RUNX1: variants seen among roughly 807,000 people sequenced by gnomAD.
RUNX1 encodes RUNX family transcription factor 1.
In RUNX1, 19 loss-of-function variants were observed where a neutral mutation model predicts 42.8. That is an observed-to-expected ratio of 0.44 (90% CI 0.31 to 0.65). RUNX1 has a LOEUF of 0.65. Among genes scored for constraint, RUNX1 ranks in the 30% least tolerant of loss-of-function variants. RUNX1 has a pLI of 0.07. For missense variants in RUNX1, 528 were observed against 672.0 expected (o/e 0.79, Z 2.37); for synonymous variants, 271 against 289.4 (o/e 0.94, Z 0.64).
intron 2 of RUNX1, among the ~76,000 whole-genome samples, chr21:34,967,964 G>A (rs1449598549): frequency 1.3e-5 from 2 of 152,166 alleles, no homozygotes; most frequent in Non-Finnish European, 2.9e-5. Flanking sequence ...ACGCCTCCCT[G>A]GCCCCACTTC....
At chr21:34,797,108 T>G (rs1367073293) in intron 8 of RUNX1, among the ~76,000 whole-genome samples, 1 of 152,202 alleles carries the variant, frequency 6.6e-6, no homozygotes, top group African/African-American at 2.4e-5. Flanking sequence ...AGGCCTGTGC[T>G]CCAGGCTTGA....
At chr21:34,810,385 A>C (rs772809525) in intron 7 of RUNX1, among the ~76,000 whole-genome samples, 17 of 152,356 alleles carry the variant, frequency 1.1e-4, no homozygotes, top group Admixed American at 4.6e-4. Context: ...AATCAGAAGA[A>C]AAACTCATAT....
chr21:34,950,553 A>G (rs1247588833), intron 2 of RUNX1, among the ~76,000 whole-genome samples: 1 of 152,220 alleles, frequency 6.6e-6, no homozygotes, highest in East Asian at 1.9e-4. Flanking sequence ...AGCCCGGCCA[A>G]CACGGCAAAA....
At chr21:34,876,424 T>C (rs557176438) in intron 5 of RUNX1, among the ~76,000 whole-genome samples, 72 of 152,364 alleles carry the variant, frequency 4.7e-4, no homozygotes, top group African/African-American at 1.7e-3. Flanking sequence ...AGGGCTAAGC[T>C]GGCCCTCCAT....
intron 2 of RUNX1, among the ~76,000 whole-genome samples, chr21:34,982,936 G>A (rs1417735145): frequency 6.6e-6 from 1 of 152,222 alleles, no homozygotes; most frequent in African/African-American, 2.4e-5. Flanking sequence ...ATAACCGTTA[G>A]GTGGTAGAAC....
intron 2 of RUNX1, among the ~76,000 whole-genome samples, chr21:34,931,661 T>C (rs1226681502): frequency 6.9e-6 from 1 of 144,804 alleles, no homozygotes; most frequent in Non-Finnish European, 1.5e-5. Flanking sequence ...CCAACTCTGA[T>C]TGATTGGAAT....
chr21:34,934,256 C>A (rs528591189), intron 2 of RUNX1, among the ~76,000 whole-genome samples: 95 of 152,146 alleles, frequency 6.2e-4, no homozygotes, highest in Admixed American at 3.3e-3. Flanking sequence ...GCTTTTGAGT[C>A]AAGTTTTTTT....
rs1282897961 is a variant in RUNX1 at position 34,788,084 on chromosome 21, G to A, written c.*4051C>T. The A allele has an allele frequency of 8.6e-6, 2 of 233,144 alleles. No homozygotes were observed. Among genetic ancestry groups the A allele is most frequent in the African/African-American group, 4.4e-5 (2 of 45,320 alleles). 14.4% of individuals were successfully genotyped at this position (233,144 alleles called of 1,614,324 possible). Reference sequence around the variant, plus strand: ...TCTGGGATATTCTCTCATGTCATCTGGCTGAAGACACCAGCTTGACAGTTC... The same window carrying A: ...TCTGGGATATTCTCTCATGTCATCTAGCTGAAGACACCAGCTTGACAGTTC... On this transcript the variant is annotated 3_prime_UTR_variant, in exon 9 of 9. Transcript: ENST00000675419.
chr21:34,904,882 A>G (rs2058205538), intron 2 of RUNX1, among the ~76,000 whole-genome samples: 1 of 152,244 alleles, frequency 6.6e-6, no homozygotes, highest in Admixed American at 6.5e-5. Flanking sequence ...CTTTTTCCTT[A>G]ATGCAGAAAT....
intron 2 of RUNX1, among the ~76,000 whole-genome samples, chr21:34,930,270 G>GTGTGTGTGTGTATA (rs372412304): frequency 1.6e-5 from 2 of 123,036 alleles, no homozygotes; most frequent in East Asian, 2.2e-4. Flanking sequence ...GTGTGTGTAT[G>GTGTGTGTGTGTATA]TATATATATA....
In RUNX1 at chr21:34,791,501, TAAAG is replaced by T. The variant is rs537401117; in HGVS notation, c.*630_*633del. 7.3e-5 allele frequency: 17 copies of T among 231,846 alleles called. No homozygotes were observed. The highest frequency in any genetic ancestry group is 1.3e-4 in the African/African-American group (6 of 45,156). The allele number at this position is 231,846 out of a possible 1,614,324, so 14.4% of individuals were successfully genotyped here. A position where few individuals can be genotyped will look rare whatever the true frequency, so the allele number is the denominator to read the frequency against. On this transcript the variant is annotated 3_prime_UTR_variant, in exon 9 of 9. Transcript: ENST00000675419. ...TCCAAAAGAAAAGTTAAATAAAACTTAAAGAAAAGGGAATCATATTTCTTTCCAT... is the reference window on the plus strand; with the variant it reads ...TCCAAAAGAAAAGTTAAATAAAACTTAAAAGGGAATCATATTTCTTTCCAT...
intron 2 of RUNX1, among the ~76,000 whole-genome samples, chr21:34,943,538 A>G (rs1033936650): frequency 6.6e-6 from 1 of 152,232 alleles, no homozygotes; most frequent in Non-Finnish European, 1.5e-5. Flanking sequence ...TACTTCATAC[A>G]AAAGACAGAA....
chr21:34,998,503 C>T (rs963821751), intron 2 of RUNX1, among the ~76,000 whole-genome samples: 4 of 151,990 alleles, frequency 2.6e-5, no homozygotes, highest in Admixed American at 2.0e-4. Context: ...TCAGAGAGCC[C>T]AGTCCTCATC....
At chr21:34,969,773 A>G (rs2058748652) in intron 2 of RUNX1, among the ~76,000 whole-genome samples, 1 of 152,090 alleles carries the variant, frequency 6.6e-6, no homozygotes, top group Non-Finnish European at 1.5e-5. Context: ...AGCAAAAAAA[A>G]AACAAAGGCC....
intron 2 of RUNX1, among the ~76,000 whole-genome samples, chr21:35,046,872 T>G (rs2059399518): frequency 6.6e-6 from 1 of 152,036 alleles, no homozygotes; most frequent in South Asian, 2.1e-4. Context: ...CTTTTGAGTC[T>G]TGGTGCGAGC....
chr21:34,996,161 CAGGAATTCTCCCA>C (rs2058993609), intron 2 of RUNX1, among the ~76,000 whole-genome samples: 1 of 152,090 alleles, frequency 6.6e-6, no homozygotes, highest in Non-Finnish European at 1.5e-5. Flanking sequence ...TCTCATCAAG[CAGGAATTCTCCCA>C]AGGAACCACC....
intron 2 of RUNX1, among the ~76,000 whole-genome samples, chr21:35,016,413 A>G (rs1346302653): frequency 2.0e-5 from 3 of 152,194 alleles, no homozygotes; most frequent in Non-Finnish European, 4.4e-5. Context: ...TACAGTGGGA[A>G]TAAGGCTTAT....
chr21:34,889,978 A>G (rs1484456940), intron 3 of RUNX1: 22 of 450,454 alleles, frequency 4.9e-5, no homozygotes, highest in Admixed American at 6.4e-5. Flanking sequence ...CCCCTCAATT[A>G]AGCTCCCCGG....
At chr21:34,936,858 T>TC (rs928277857) in intron 2 of RUNX1, among the ~76,000 whole-genome samples, 78 of 152,320 alleles carry the variant, frequency 5.1e-4, no homozygotes, top group African/African-American at 1.7e-3. Context: ...TGAAAAGAAT[T>TC]CTTTTTTTTT....
Sources: allele counts gnomAD v4.1 joint callset (sites outside exome capture counted in the v4.1 genomes callset), GRCh38; gene constraint gnomAD v4.1.1; transcripts MANE v1.5; gene names NCBI Gene and HGNC (gene_info 2026-07-23, HGNC 2026-07-21).